The following BBX variants were observed in gnomAD, a reference collection of about 807,000 sequenced individuals.
BBX encodes BBX high mobility group box domain containing.
Under a neutral mutation model 100.2 loss-of-function variants are expected in BBX, and 30 were observed. The ratio of observed to expected loss-of-function variants is 0.30; its 90% CI spans 0.22 to 0.41. The LOEUF is 0.41. BBX is among the 10% of genes least tolerant of loss of function. The probability of loss-of-function intolerance (pLI) is 1.00; values close to 1 mark genes in which losing one functional copy is unlikely to be tolerated. For missense variants in BBX, 1,023 were observed against 1,129.8 expected (o/e 0.91, Z 1.35); for synonymous variants, 376 against 388.1 (o/e 0.97, Z 0.37).
intron 7 of BBX, among the ~76,000 whole-genome samples, chr3:107,742,531 G>A (rs534060976): frequency 3.3e-5 from 5 of 152,204 alleles, no homozygotes; most frequent in African/African-American, 9.6e-5. Flanking sequence ...TTTAAGAGAG[G>A]ACATGGTCCA....
At chr3:107,692,339 T>TC (rs1194799416) in intron 3 of BBX, among the ~76,000 whole-genome samples, 1 of 151,728 alleles carries the variant, frequency 6.6e-6, no homozygotes, top group Non-Finnish European at 1.5e-5. Context: ...ATGCTATCCC[T>TC]CCCCCCTCAC....
At chr3:107,739,286 C>A (rs1020688984) in intron 7 of BBX, among the ~76,000 whole-genome samples, 16 of 152,170 alleles carry the variant, frequency 1.1e-4, no homozygotes, top group Non-Finnish European at 2.2e-4. Flanking sequence ...CTCCTTGCCC[C>A]AGTTCCTACC....
At chr3:107,573,083 A>G (rs1226370911) in intron 2 of BBX, among the ~76,000 whole-genome samples, 7 of 152,176 alleles carry the variant, frequency 4.6e-5, no homozygotes, top group African/African-American at 9.7e-5. Flanking sequence ...CAATGCAACT[A>G]TTTTTCAGTG....
At chr3:107,676,827 A>G (rs1430123116) in intron 3 of BBX, among the ~76,000 whole-genome samples, 4 of 152,130 alleles carry the variant, frequency 2.6e-5, no homozygotes, top group Non-Finnish European at 4.4e-5. Context: ...GTGTTTTTTC[A>G]TGCAGAATAG....
intron 8 of BBX, among the ~76,000 whole-genome samples, chr3:107,747,515 A>G (rs1280278378): frequency 6.6e-6 from 1 of 152,128 alleles, no homozygotes; most frequent in Non-Finnish European, 1.5e-5. Context: ...AGATACCCTG[A>G]CCCATATCCA....
At chr3:107,575,047 C>T (rs932212859) in intron 2 of BBX, among the ~76,000 whole-genome samples, 1 of 152,230 alleles carries the variant, frequency 6.6e-6, no homozygotes, top group African/African-American at 2.4e-5. Flanking sequence ...AATTATGCAA[C>T]AGCTGTTTCC....
intron 2 of BBX, among the ~76,000 whole-genome samples, chr3:107,604,441 TC>T (rs2054284045): frequency 6.6e-6 from 1 of 152,166 alleles, no homozygotes; most frequent in African/African-American, 2.4e-5. Flanking sequence ...TCACTCCCCT[TC>T]CTGGAATTGC....
At chr3:107,677,070 A>G (rs1188350150) in intron 3 of BBX, among the ~76,000 whole-genome samples, 2 of 152,010 alleles carry the variant, frequency 1.3e-5, no homozygotes, top group East Asian at 1.9e-4. Flanking sequence ...TTAACCAGTC[A>G]TTTTGTCATA....
intron 12 of BBX, among the ~76,000 whole-genome samples, chr3:107,777,891 A>G (rs569646379): frequency 2.0e-5 from 3 of 152,284 alleles, no homozygotes; most frequent in Admixed American, 6.5e-5. Context: ...AAAACTACCA[A>G]TATATCATAT....
intron 3 of BBX, among the ~76,000 whole-genome samples, chr3:107,670,180 A>G (rs2058948501): frequency 6.6e-6 from 1 of 152,182 alleles, no homozygotes; most frequent in Admixed American, 6.5e-5. Flanking sequence ...AAAATAGATC[A>G]CTAATACATT....
chr3:107,613,251 A>G (rs946684350), intron 2 of BBX, among the ~76,000 whole-genome samples: 4 of 148,050 alleles, frequency 2.7e-5, no homozygotes, highest in Non-Finnish European at 6.0e-5. Context: ...GCAGTGGCGC[A>G]TCTCGGCTCA....
At position 107,592,064 on chromosome 3, in the gene BBX, A is replaced by G. The variant is rs1175871043; in HGVS notation, c.-83-53772A>G. ...TAGTTAGCTATGACTGTGGCTTCAT[A>G]TTAGAGATTAACCCCATCAAGAAGT... On this transcript the variant is annotated intron_variant, in intron 2 of 17. Coordinates refer to ENST00000325805, the MANE Select transcript of BBX (RefSeq NM_001142568.3). Among the ~76,000 whole-genome samples the G allele has an allele frequency of 7.9e-5, 12 of 152,046 alleles. 1 individual carries two copies. The highest frequency in any genetic ancestry group is 1.6e-4 in the Non-Finnish European group (11 of 67,984).
intron 15 of BBX, among the ~76,000 whole-genome samples, chr3:107,791,718 C>A (rs2069062963): frequency 6.6e-6 from 1 of 152,110 alleles, no homozygotes; most frequent in South Asian, 2.1e-4. Context: ...AAATAAACAC[C>A]CCAGCAAGGC....
chr3:107,703,497 C>A (rs2061208398), intron 3 of BBX, among the ~76,000 whole-genome samples: 2 of 152,122 alleles, frequency 1.3e-5, no homozygotes, highest in Non-Finnish European at 2.9e-5. Context: ...CTACATATTT[C>A]TTTATGAGTT....
rs577965814 is a variant in BBX, at chr3:107,610,014, C to T, written c.-83-35822C>T. 5.9e-5 allele frequency among the ~76,000 whole-genome samples: 9 copies of T among 152,048 alleles called. No homozygotes were observed. The South Asian group carries it at 1.5e-3, about 25-fold the overall frequency. On this transcript the variant is annotated intron_variant, in intron 2 of 17. Coordinates refer to ENST00000325805, the MANE Select transcript of BBX (RefSeq NM_001142568.3). ...TGTAGGCACTTATAGCTATAAAATTCCCTCTTAGTACTGCTTTTGCTTGCA... is the reference window on the plus strand; with the variant it reads ...TGTAGGCACTTATAGCTATAAAATTTCCTCTTAGTACTGCTTTTGCTTGCA...
At chr3:107,643,763 C>T (rs891462966) in intron 2 of BBX, among the ~76,000 whole-genome samples, 7 of 152,148 alleles carry the variant, frequency 4.6e-5, no homozygotes, top group Non-Finnish European at 1.0e-4. Context: ...GATTTAAATG[C>T]AGACCAGGCT....
intron 3 of BBX, among the ~76,000 whole-genome samples, chr3:107,684,298 A>C (rs1402088400): frequency 6.6e-6 from 1 of 152,232 alleles, no homozygotes; most frequent in Non-Finnish European, 1.5e-5. Context: ...CTTAGCAGTA[A>C]GTATGAAAGG....
chr3:107,773,713 G>T lies in BBX; in HGVS notation c.1915+77G>T, dbSNP rs2067091989. 7.6e-7 allele frequency: 1 copy of T among 1,316,494 alleles called. No homozygotes were observed. 81.6% of individuals were successfully genotyped at this position (1,316,494 alleles called of 1,614,324 possible). On this transcript the variant is annotated intron_variant, in intron 11 of 17. Transcript: ENST00000325805. The surrounding 1 kb of genome is among the most constrained non-coding windows in gnomAD (Gnocchi z 4.1). ...ACCTTTAGACCTATTGAAAACAACTGCCATAAAAAACAATATGGTATCAAA... is the reference window on the plus strand; with the variant it reads ...ACCTTTAGACCTATTGAAAACAACTTCCATAAAAAACAATATGGTATCAAA...
chr3:107,661,715 TC>T (rs1479476288), intron 3 of BBX: 1 of 225,694 alleles, frequency 4.4e-6, no homozygotes, highest in African/African-American at 2.3e-5. Context: ...TCCATTAACT[TC>T]TGACTCTTTT....
Sources: gnomAD v4.1 joint callset for allele counts (sites outside exome capture counted in the v4.1 genomes callset) on GRCh38, gnomAD v4.1.1 for gene constraint, Gnocchi (gnomAD v3.1) non-coding constraint, MANE v1.5 for transcripts, NCBI Gene and HGNC (gene_info 2026-07-23, HGNC 2026-07-21) for gene names.